The following C2CD3 variants were observed in gnomAD, a reference collection of about 807,000 sequenced individuals.
C2CD3 encodes C2 domain-containing protein 3.
Under a neutral mutation model 234.0 loss-of-function variants are expected in C2CD3, and 148 were observed. The observed-to-expected ratio is 0.63, with a 90% CI of 0.55 to 0.72. The LOEUF (loss-of-function observed/expected upper bound fraction) is 0.72, where lower values mean the gene tolerates loss of function less well. Among genes scored for constraint, C2CD3 ranks in the 30% least tolerant of loss-of-function variants. The pLI is 0.00. For synonymous variants in C2CD3, 1,000 were observed against 1,035.4 expected, an observed-to-expected ratio of 0.97 and a Z score of 0.66; for missense variants, 2,577 against 2,811.5, an observed-to-expected ratio of 0.92 and a Z score of 1.89.
intron 30 of C2CD3, chr11:74,036,163 A>G (rs932445260): frequency 1.5e-5 from 4 of 262,124 alleles, no homozygotes; most frequent in Middle Eastern, 1.4e-3. Context: ...CCTGGCCACA[A>G]TTCCCTTCTC....
At chr11:74,141,992 ACT>A (rs1958063534) in intron 3 of C2CD3, among the ~76,000 whole-genome samples, 1 of 151,814 alleles carries the variant, frequency 6.6e-6, no homozygotes, top group South Asian at 2.1e-4. Flanking sequence ...ACAGAGCAAG[ACT>A]CTGTTTCAAA....
intron 12 of C2CD3, 35 bp downstream of exon 12, chr11:74,108,999 G>T: frequency 1.9e-6 from 2 of 1,049,800 alleles, no homozygotes; most frequent in Non-Finnish European, 3.0e-6. Flanking sequence ...TCCCTAGTGT[G>T]AAGGTAAGGC....
intron 2 of C2CD3, 93 bp from the exon 3 acceptor site, chr11:74,161,649 C>T (rs1396728068): frequency 2.7e-6 from 2 of 739,642 alleles, no homozygotes; most frequent in Non-Finnish European, 4.2e-6. Flanking sequence ...GAAAAGCTTT[C>T]TAACTTGAAA....
rs1464654191 is a variant in C2CD3 at position 74,090,874 on chromosome 11, C to G, written c.3580G>C (p.Ala1194Pro). The change falls in exon 20 of 33, where the codon GCC (alanine) becomes CCC (proline). Residue 1194 changes from alanine (A) to proline (P), a missense_variant. By Grantham distance (27) the Ala-to-Pro change is conservative. Transcript: ENST00000334126. ...TGGACTGAGATGGAAACAGTTCGGG[C>G]AGCAAGAACTCCCTCTGCTGTTCTT... ...SPRTAEGVLA[A>P]RTVSISVQII... 5 of 1,614,092 alleles carry G rather than the reference C, an allele frequency of 3.1e-6. No individual in the cohort carries two copies. The highest frequency in any genetic ancestry group is 4.2e-6 in the Non-Finnish European group (5 of 1,179,984).
chr11:74,164,701 C>T (rs190143722), intron 2 of C2CD3: 2 of 152,278 alleles, frequency 1.3e-5, no homozygotes, highest in African/African-American at 4.8e-5. Flanking sequence ...AAGGTTTTCT[C>T]ATTAGTTAAA....
intron 5 of C2CD3, 86 bp from the exon 6 acceptor site, chr11:74,133,643 G>T (rs1200117419): frequency 1.4e-6 from 2 of 1,409,256 alleles, no homozygotes; most frequent in Admixed American, 3.6e-5. Flanking sequence ...TCTATCAGAG[G>T]ACTCACTAGT....
At chr11:74,162,931 G>A (rs1436050745) in intron 2 of C2CD3, among the ~76,000 whole-genome samples, 1 of 152,138 alleles carries the variant, frequency 6.6e-6, no homozygotes. Flanking sequence ...CTGGACCACT[G>A]AGCTATTGAG....
At chr11:74,118,896 G>A (rs1171326228) in intron 8 of C2CD3, among the ~76,000 whole-genome samples, 1 of 150,102 alleles carries the variant, frequency 6.7e-6, no homozygotes, top group African/African-American at 2.5e-5. Flanking sequence ...CTAATCATCT[G>A]GATAGACTAT....
intron 26 of C2CD3, among the ~76,000 whole-genome samples, chr11:74,050,764 G>A (rs1195912474): frequency 6.8e-6 from 1 of 147,040 alleles, no homozygotes; most frequent in Non-Finnish European, 1.5e-5. Context: ...GGTGAGAAAA[G>A]GTATTACACT....
At chr11:74,025,886 A>C (rs1243622793) in intron 32 of C2CD3, among the ~76,000 whole-genome samples, 3 of 151,908 alleles carry the variant, frequency 2.0e-5, no homozygotes, top group African/African-American at 2.4e-5. Context: ...TCAGTATTTC[A>C]CTCCATGGAT....
chr11:74,013,850 G>C (rs1951780927), intron 32 of C2CD3, among the ~76,000 whole-genome samples: 1 of 152,184 alleles, frequency 6.6e-6, no homozygotes, highest in African/African-American at 2.4e-5. Flanking sequence ...TCACCTCCAG[G>C]ATAGGTTTGA....
chr11:74,157,347 T>C (rs188470489), intron 3 of C2CD3, among the ~76,000 whole-genome samples: 58 of 152,346 alleles, frequency 3.8e-4, no homozygotes, highest in African/African-American at 1.0e-3. Context: ...GTAATTCATG[T>C]GGCTTTTGAA....
chr11:74,170,788 T>C lies in C2CD3; in HGVS notation c.5A>G (p.Lys2Arg). 6.2e-7 allele frequency: 1 copy of C among 1,614,180 alleles called. No homozygotes were observed. The highest frequency in any genetic ancestry group is 8.5e-7 in the Non-Finnish European group (1 of 1,180,034). The stretch of plus-strand genomic sequence containing the variant: ...CCCAGACCCTTGGCCTTTTCGTTGT[T>C]TCATGATGAGCCCGAGCTCTTCTTC... The part of the protein sequence containing the change: M[K>R]QRKGQGSGGS... Residue 2 changes from lysine to arginine, a missense_variant, in exon 1 of 33, where the codon AAA becomes AGA. Transcript: ENST00000334126.
At chr11:74,094,081 T>C in intron 17 of C2CD3, 82 bp from the exon 18 acceptor site, 1 of 1,143,716 alleles carries the variant, frequency 8.7e-7, no homozygotes, top group Non-Finnish European at 1.3e-6. Context: ...CCAGTGAATA[T>C]TACTTAGTAA....
At chr11:74,098,941 A>C (rs1956212958) in intron 15 of C2CD3, among the ~76,000 whole-genome samples, 2 of 152,210 alleles carry the variant, frequency 1.3e-5, no homozygotes, top group Non-Finnish European at 2.9e-5. Flanking sequence ...GTACGCAATG[A>C]AAAAACTTCC....
At chr11:74,046,437 G>A (rs1056163264) in intron 28 of C2CD3, among the ~76,000 whole-genome samples, 1 of 152,112 alleles carries the variant, frequency 6.6e-6, no homozygotes, top group African/African-American at 2.4e-5. Context: ...TTAAGTACCT[G>A]GGCTCAAGTG....
At chr11:74,048,181 TCTC>T in intron 28 of C2CD3, 21 bp downstream of exon 28, 1 of 1,609,960 alleles carries the variant, frequency 6.2e-7, no homozygotes, top group South Asian at 1.1e-5. Context: ...CCCCATTTCT[TCTC>T]ATCATCAAGA....
chr11:74,144,635 A>G (rs1855046814), intron 3 of C2CD3, among the ~76,000 whole-genome samples: 1 of 151,862 alleles, frequency 6.6e-6, no homozygotes. Context: ...CCCAGTGTCT[A>G]TTGTTCCTCT....
In C2CD3 at chr11:74,074,580, G is replaced by A. The variant is rs761456752; in HGVS notation, c.4624C>T (p.Arg1542Ter). 7 of 1,613,428 alleles carry A rather than the reference G, an allele frequency of 4.3e-6. No homozygotes were observed. Among genetic ancestry groups the A allele is most frequent in the East Asian group, 2.2e-5 (1 of 44,826 alleles). ...TVSGVYPLFG[R>*]NASNLSGAAL... ...GCTCCTGAGAGGTTGGAAGCATTTC[G>A]TCCAAACAGAGGATACACACCTAAA... The change falls in exon 24 of 33, where the codon CGA (arginine) becomes TGA (stop). Residue 1542 changes from arginine (R) to a stop codon, truncating the protein, a stop_gained. Coordinates refer to ENST00000334126, the MANE Select transcript of C2CD3 (RefSeq NM_001286577.2). LOFTEE classifies it high-confidence loss of function.
Sources: allele counts gnomAD v4.1 joint callset (sites outside exome capture counted in the v4.1 genomes callset), GRCh38; gene constraint gnomAD v4.1.1; transcripts MANE v1.5; gene names NCBI Gene and HGNC (gene_info 2026-07-23, HGNC 2026-07-21).